KCNS3: variants seen among roughly 807,000 people sequenced by gnomAD.
The protein encoded by KCNS3 is potassium voltage-gated channel modifier subfamily S member 3.
Under a neutral mutation model 31.0 loss-of-function variants are expected in KCNS3, and 13 were observed. The ratio of observed to expected loss-of-function variants is 0.42; its 90% CI spans 0.27 to 0.67. KCNS3 has a LOEUF of 0.67. Among genes scored for constraint, KCNS3 ranks in the 30% least tolerant of loss-of-function variants. The pLI is 0.25. For synonymous variants in KCNS3, 238 were observed against 241.5 expected, an observed-to-expected ratio of 0.99 and a Z score of 0.13; for missense variants, 545 against 622.4, an observed-to-expected ratio of 0.88 and a Z score of 1.32.
chr2:17,900,550 C>T (rs981922630), intron 1 of KCNS3, among the ~76,000 whole-genome samples: 2 of 151,968 alleles, frequency 1.3e-5, no homozygotes, highest in African/African-American at 4.8e-5. Context: ...AGTGCAGTGA[C>T]GTGATTTTGG....
At chr2:17,925,001 G>A (rs1662802518) in intron 2 of KCNS3, among the ~76,000 whole-genome samples, 1 of 152,166 alleles carries the variant, frequency 6.6e-6, no homozygotes. Flanking sequence ...TGCAAATTCT[G>A]TATCTTTACT....
chr2:17,892,808 T>C (rs765351991), intron 1 of KCNS3, among the ~76,000 whole-genome samples: 8 of 152,182 alleles, frequency 5.3e-5, no homozygotes, highest in Non-Finnish European at 1.0e-4. Flanking sequence ...CTCTCAGCCG[T>C]GGATACCAGT....
At chr2:17,897,984 A>T (rs951975800) in intron 1 of KCNS3, among the ~76,000 whole-genome samples, 3 of 152,150 alleles carry the variant, frequency 2.0e-5, no homozygotes, top group Non-Finnish European at 4.4e-5. Context: ...GTACATGGTT[A>T]TAAGTAGGGG....
At chr2:17,928,561 G>A (rs1273188710) in intron 2 of KCNS3, among the ~76,000 whole-genome samples, 1 of 152,120 alleles carries the variant, frequency 6.6e-6, no homozygotes, top group African/African-American at 2.4e-5. Context: ...TAGCCTAGTT[G>A]AAGATTTGTC....
chr2:17,921,409 G>T (rs529577744), intron 2 of KCNS3, among the ~76,000 whole-genome samples: 5 of 151,676 alleles, frequency 3.3e-5, no homozygotes, highest in African/African-American at 4.8e-5. Context: ...AAAGATAAGG[G>T]TTTTCTTTTA....
intron 1 of KCNS3, among the ~76,000 whole-genome samples, chr2:17,889,278 G>C (rs952103710): frequency 6.6e-6 from 1 of 152,174 alleles, no homozygotes; most frequent in African/African-American, 2.4e-5. Context: ...CATTAATCTT[G>C]TATCCAGAAA....
rs1661758871 is a variant in KCNS3 at position 17,888,641 on chromosome 2, A to ATATC, written c.-252+9838_-252+9839insCTAT. On this transcript the variant is annotated intron_variant, in intron 1 of 2. Coordinates refer to ENST00000304101, the MANE Select transcript of KCNS3 (RefSeq NM_002252.5). The stretch of plus-strand genomic sequence containing the variant: ...TAATAAAAAAAATGTATATATATAT[A>ATATC]TATATATATATATATATATATATAT... 6.8e-5 allele frequency among the ~76,000 whole-genome samples: 5 copies of ATATC among 73,260 alleles called. No homozygotes were observed. In the East Asian group the frequency reaches 1.8e-3, roughly 26 times the overall value. 48.1% of individuals were successfully genotyped at this position (73,260 alleles called of 152,430 possible).
intron 1 of KCNS3, among the ~76,000 whole-genome samples, chr2:17,888,663 A>C (rs945953540): frequency 2.9e-5 from 4 of 138,738 alleles, no homozygotes; most frequent in African/African-American, 1.1e-4. Flanking sequence ...ATATATATAT[A>C]TATATATATA....
intron 1 of KCNS3, among the ~76,000 whole-genome samples, chr2:17,887,484 G>GATCGATCTATCTATCTATCT (rs1553341246): frequency 3.4e-5 from 5 of 146,242 alleles, no homozygotes; most frequent in Admixed American, 6.9e-5. Flanking sequence ...TCTATCATAT[G>GATCGATCTATCTATCTATCT]ATCTATCTAT....
At chr2:17,897,726 T>G (rs1459200795) in intron 1 of KCNS3, among the ~76,000 whole-genome samples, 1 of 152,230 alleles carries the variant, frequency 6.6e-6, no homozygotes, top group Non-Finnish European at 1.5e-5. Context: ...CTATAGGCTG[T>G]CTGTTTACTC....
chr2:17,924,079 T>C (rs1345372906), intron 2 of KCNS3, among the ~76,000 whole-genome samples: 1 of 151,980 alleles, frequency 6.6e-6, no homozygotes, highest in African/African-American at 2.4e-5. Flanking sequence ...TTTATGCCAC[T>C]TTTGTTAAAT....
intron 1 of KCNS3, among the ~76,000 whole-genome samples, chr2:17,912,271 A>G (rs988537341): frequency 1.3e-5 from 2 of 152,236 alleles, no homozygotes; most frequent in Admixed American, 6.5e-5. Context: ...TTTCACTGCT[A>G]TCATTGTATG....
At chr2:17,927,182 GTGTT>G (rs1404432859) in intron 2 of KCNS3, among the ~76,000 whole-genome samples, 1 of 152,196 alleles carries the variant, frequency 6.6e-6, no homozygotes, top group African/African-American at 2.4e-5. Flanking sequence ...GCAAGAATGA[GTGTT>G]TGTTCCAGGT....
chr2:17,883,520 C>T (rs1241238635), intron 1 of KCNS3, among the ~76,000 whole-genome samples: 1 of 151,886 alleles, frequency 6.6e-6, no homozygotes, highest in African/African-American at 2.4e-5. Context: ...GGTAGGGAGG[C>T]ACTAGTTTAG....
chr2:17,930,268 G>A (rs1662927280), intron 2 of KCNS3, among the ~76,000 whole-genome samples: 1 of 152,110 alleles, frequency 6.6e-6, no homozygotes, highest in South Asian at 2.1e-4. Flanking sequence ...CTTTTCATGT[G>A]GATGTTCCTG....
Position 17,932,500 on chromosome 2 carries a change from C to T in KCNS3, c.*16C>T. Reference sequence around the variant, plus strand: ...AGCAAAATGAGCGGGGGTGTTTGTGCCTGTTTCTCTTATCCTTTCCCGACA... The same window carrying T: ...AGCAAAATGAGCGGGGGTGTTTGTGTCTGTTTCTCTTATCCTTTCCCGACA... On this transcript the variant is annotated 3_prime_UTR_variant, in exon 3 of 3. Transcript: ENST00000304101. 6.3e-7 allele frequency: 1 copy of T among 1,593,092 alleles called. No individual in the cohort carries two copies.
intron 1 of KCNS3, among the ~76,000 whole-genome samples, chr2:17,903,430 T>G (rs1297188414): frequency 6.6e-6 from 1 of 151,988 alleles, no homozygotes; most frequent in Non-Finnish European, 1.5e-5. Context: ...GGGGTTGAAG[T>G]TTTAGGGGGT....
chr2:17,896,689 A>G (rs1348512676), intron 1 of KCNS3, among the ~76,000 whole-genome samples: 1 of 150,960 alleles, frequency 6.6e-6, no homozygotes, highest in Non-Finnish European at 1.5e-5. Flanking sequence ...AAGATCTCCC[A>G]AGAGGTTCCT....
chr2:17,890,281 G>A (rs1044606891), intron 1 of KCNS3, among the ~76,000 whole-genome samples: 3 of 151,976 alleles, frequency 2.0e-5, no homozygotes, highest in South Asian at 2.1e-4. Flanking sequence ...TTCCTGCTTC[G>A]TTTCTTAGTG....
Sources: allele counts gnomAD v4.1 joint callset (sites outside exome capture counted in the v4.1 genomes callset), GRCh38; gene constraint gnomAD v4.1.1; transcripts MANE v1.5; gene names NCBI Gene and HGNC (gene_info 2026-07-23, HGNC 2026-07-21).